Variants in MAPRE2 observed in about 807,000 individuals in gnomAD.
The protein encoded by MAPRE2 is microtubule associated protein RP/EB family member 2.
A neutral mutation model predicts 43.2 loss-of-function variants in MAPRE2; 13 were observed. The ratio of observed to expected loss-of-function variants is 0.30; its 90% CI spans 0.20 to 0.48. The LOEUF is 0.48. MAPRE2 is among the 20% of genes least tolerant of loss of function. The probability of loss-of-function intolerance (pLI) is 0.99; values close to 1 mark genes in which losing one functional copy is unlikely to be tolerated. For missense variants in MAPRE2, 161 were observed against 400.2 expected, an observed-to-expected ratio of 0.40 and a Z score of 5.10; for synonymous variants, 135 against 148.8, an observed-to-expected ratio of 0.91 and a Z score of 0.68.
At chr18:34,983,327 A>G (rs921968771) in intron 1 of MAPRE2, among the ~76,000 whole-genome samples, 2 of 152,190 alleles carry the variant, frequency 1.3e-5, no homozygotes, top group Non-Finnish European at 2.9e-5. Context: ...CAACTGTAAA[A>G]CTTCTGAATC....
rs557613789 is a variant in MAPRE2 at position 35,071,357 on chromosome 18, G to T, written c.250+1035G>T. Among the ~76,000 whole-genome samples the T allele has an allele frequency of 3.9e-5, 6 of 152,230 alleles. No homozygotes were observed. In the South Asian group the frequency reaches 1.2e-3, roughly 32 times the overall value. ...GATTGTACCACTGCCCAACAGCCTA[G>T]GTGACACAGTGAGACCCTGTCTCTA... On this transcript the variant is annotated intron_variant, in intron 2 of 6. Coordinates refer to ENST00000300249, the MANE Select transcript of MAPRE2 (RefSeq NM_014268.4).
intron 2 of MAPRE2, among the ~76,000 whole-genome samples, chr18:35,022,407 TAAC>T (rs1603390964): frequency 7.1e-6 from 1 of 141,362 alleles, no homozygotes; most frequent in African/African-American, 2.5e-5. Context: ...TATCATAAGA[TAAC>T]GGTATATGCT....
intron 1 of MAPRE2, among the ~76,000 whole-genome samples, chr18:34,997,199 C>T (rs1423769607): frequency 6.6e-6 from 1 of 152,170 alleles, no homozygotes; most frequent in African/African-American, 2.4e-5. Flanking sequence ...CAATGGATTA[C>T]AGCATAAACT....
At position 35,114,788 on chromosome 18, in the gene MAPRE2, T is replaced by C. The variant is rs574273161; in HGVS notation, c.611-12160T>C. ...TAAAACAGCATTGGGTCATTAATCT[T>C]ATATAGCTGTTCCTGATATGTGTTG... On this transcript the variant is annotated intron_variant, in intron 4 of 6. Transcript: ENST00000300249. Among the ~76,000 whole-genome samples the C allele has an allele frequency of 2.6e-5, 4 of 152,308 alleles. No homozygotes were observed. In the South Asian group the frequency reaches 6.2e-4, roughly 24 times the overall value.
At chr18:35,028,032 G>T (rs912486533) in intron 2 of MAPRE2, among the ~76,000 whole-genome samples, 3 of 152,098 alleles carry the variant, frequency 2.0e-5, no homozygotes, top group Non-Finnish European at 2.9e-5. Flanking sequence ...CAGCATGGTA[G>T]TCCCAGGGTA....
intron 1 of MAPRE2, among the ~76,000 whole-genome samples, chr18:34,985,038 A>ATATATTTTATATAT (rs2097018708): frequency 1.9e-5 from 1 of 53,018 alleles, no homozygotes; most frequent in Non-Finnish European, 3.3e-5. Context: ...AAAATATATA[A>ATATATTTTATATAT]TATATAAAAT....
At chr18:35,020,084 T>G (rs1035273516) in intron 2 of MAPRE2, among the ~76,000 whole-genome samples, 7 of 152,126 alleles carry the variant, frequency 4.6e-5, no homozygotes, top group Admixed American at 2.0e-4. Context: ...CAAATATCAT[T>G]CTGCTTAAAA....
chr18:34,988,864 T>C (rs1294613043), intron 1 of MAPRE2: 1 of 152,206 alleles, frequency 6.6e-6, no homozygotes, highest in Non-Finnish European at 1.5e-5. Flanking sequence ...TTTTCTTTTC[T>C]TTTGTTTTTT....
In MAPRE2 at chr18:35,127,073, C is replaced by T; in HGVS notation, c.736C>T (p.Gln246Ter). The T allele has an allele frequency of 6.2e-7, 1 of 1,614,124 alleles. No homozygotes were observed. Among genetic ancestry groups the T allele is most frequent in the Non-Finnish European group, 8.5e-7 (1 of 1,180,008 alleles). ...SDKDLETQVIQLNEQVHSLKL... is the reference protein window; with the variant it reads ...SDKDLETQVI ...TAAAGATTTAGAAACGCAGGTCATA[C>T]AGCTTAATGAACAGGTAATGCATCA... The change falls in exon 5 of 7, where the codon CAG becomes TAG. Residue 246 changes from glutamine to a stop codon, truncating the protein, a stop_gained. Transcript: ENST00000300249. LOFTEE classifies it high-confidence loss of function.
chr18:35,052,927 T>C (rs772512101), intron 1 of MAPRE2, among the ~76,000 whole-genome samples: 2 of 152,176 alleles, frequency 1.3e-5, no homozygotes, highest in Non-Finnish European at 2.9e-5. Context: ...TATACACATA[T>C]GTTTTGCATA....
chr18:35,039,930 G>C (rs1299100392), upstream of MAPRE2, among the ~76,000 whole-genome samples: 1 of 152,170 alleles, frequency 6.6e-6, no homozygotes, highest in East Asian at 1.9e-4. Flanking sequence ...AATCTCTCCT[G>C]GCTGGGCGTG....
In MAPRE2 at chr18:35,140,327, G is replaced by C; in HGVS notation, c.942G>C (p.Glu314Asp). 1 of 1,613,890 alleles carries C rather than the reference G, an allele frequency of 6.2e-7. No individual in the cohort carries two copies. Among genetic ancestry groups the C allele is most frequent in the Non-Finnish European group, 8.5e-7 (1 of 1,179,946 alleles). The change falls in exon 7 of 7, where the codon GAG (glutamate) becomes GAC (aspartate). Residue 314 changes from glutamate to aspartate, a missense_variant. Transcript: ENST00000300249. ...ACACAGAAGAGCCGGAAGCAGAGGA[G>C]CAAGCCCACGAACAGCAGCCCCCGC... ...EGHTEEPEAE[E>D]QAHEQQPPQQ...
chr18:34,985,990 A>G (rs1233634892), intron 1 of MAPRE2, among the ~76,000 whole-genome samples: 1 of 151,948 alleles, frequency 6.6e-6, no homozygotes, highest in African/African-American at 2.4e-5. Context: ...GCTTAAACAG[A>G]GGCAAAACAT....
chr18:35,036,208 C>T (rs1039105514), intron 2 of MAPRE2, among the ~76,000 whole-genome samples: 3 of 151,906 alleles, frequency 2.0e-5, no homozygotes, highest in Admixed American at 2.0e-4. Context: ...CTCTTAACTC[C>T]CACCGACGAT....
intron 1 of MAPRE2, among the ~76,000 whole-genome samples, chr18:34,985,353 A>AT (rs2150571823): frequency 5.0e-4 from 21 of 41,682 alleles, no homozygotes; most frequent in African/African-American, 2.1e-3. Context: ...ATTATATTAT[A>AT]TATATAATAT....
chr18:35,107,309 T>C (rs563154060), intron 4 of MAPRE2, among the ~76,000 whole-genome samples: 35 of 152,300 alleles, frequency 2.3e-4, no homozygotes, highest in African/African-American at 8.4e-4. Context: ...AATCCTAAGG[T>C]GTTTTTCAAG....
At chr18:35,060,361 A>G (rs962184528) in intron 1 of MAPRE2, among the ~76,000 whole-genome samples, 2 of 152,164 alleles carry the variant, frequency 1.3e-5, no homozygotes, top group Non-Finnish European at 2.9e-5. Flanking sequence ...TGGCATGGGA[A>G]TGAGCTCTAG....
chr18:35,070,347 T>C (rs1302753882), intron 2 of MAPRE2, 25 bp downstream of exon 2: 1 of 1,563,366 alleles, frequency 6.4e-7, no homozygotes, highest in Non-Finnish European at 8.7e-7. Context: ...TTTAAGTGTT[T>C]ACCTAAATAT....
chr18:35,027,869 G>A (rs1467218549), intron 2 of MAPRE2, among the ~76,000 whole-genome samples: 2 of 152,118 alleles, frequency 1.3e-5, no homozygotes, highest in Non-Finnish European at 2.9e-5. Flanking sequence ...TGCTTCCTCA[G>A]TCACATATTT....
Sources: allele counts gnomAD v4.1 joint callset (sites outside exome capture counted in the v4.1 genomes callset), GRCh38; gene constraint gnomAD v4.1.1; transcripts MANE v1.5; gene names NCBI Gene and HGNC (gene_info 2026-07-23, HGNC 2026-07-21).